The following FECH variants were observed in gnomAD, a reference collection of about 807,000 sequenced individuals.
FECH encodes the protein ferrochelatase, also known as ferrochelatase, mitochondrial.
A neutral mutation model predicts 56.9 loss-of-function variants in FECH; 40 were observed. The ratio of observed to expected loss-of-function variants is 0.70; its 90% CI spans 0.55 to 0.92. The LOEUF (loss-of-function observed/expected upper bound fraction) is 0.92. Among genes scored for constraint, FECH ranks in the 40% least tolerant of loss-of-function variants. FECH has a pLI of 0.00. For missense variants in FECH, 431 were observed against 529.1 expected (o/e 0.81, Z 1.82); for synonymous variants, 175 against 198.6 (o/e 0.88, Z 1.00).
chr18:57,585,534 T>C (rs1300242866), intron 1 of FECH, among the ~76,000 whole-genome samples: 2 of 152,202 alleles, frequency 1.3e-5, no homozygotes, highest in Non-Finnish European at 2.9e-5. Flanking sequence ...ACAATGCCCT[T>C]TGTCCCCCAG....
Position 57,547,118 on chromosome 18 carries a change from G to C in FECH, c.*3594C>G, listed in dbSNP as rs1366851384. ...ATGTCTGTACTCCCATTGTATCTTG[G>C]AAGTCACTAACTTGCTTTTAATGTT... On this transcript the variant is annotated 3_prime_UTR_variant, in exon 11 of 11. Transcript: ENST00000262093. Among the ~76,000 whole-genome samples the C allele has an allele frequency of 6.6e-6, 1 of 152,062 alleles. No homozygotes were observed. Among genetic ancestry groups the C allele is most frequent in the Non-Finnish European group, 1.5e-5 (1 of 68,024 alleles).
chr18:57,570,300 C>T (rs937367278), intron 4 of FECH, among the ~76,000 whole-genome samples: 1 of 152,104 alleles, frequency 6.6e-6, no homozygotes, highest in Non-Finnish European at 1.5e-5. Flanking sequence ...GTGGCATGCA[C>T]GGAGGAACTG....
chr18:57,575,601 C>A (rs1350369096), intron 2 of FECH, among the ~76,000 whole-genome samples: 8 of 152,162 alleles, frequency 5.3e-5, no homozygotes, highest in Non-Finnish European at 1.2e-4. Flanking sequence ...TGCCTCCATG[C>A]CTGGCTACTT....
intron 4 of FECH, among the ~76,000 whole-genome samples, chr18:57,569,747 T>C (rs2051069269): frequency 6.6e-6 from 1 of 151,832 alleles, no homozygotes; most frequent in Admixed American, 6.6e-5. Context: ...GGTACTACAG[T>C]AACATAAAAA....
At chr18:57,554,729 A>C (rs1006339575) in intron 8 of FECH, 116 bp downstream of exon 8, 1 of 848,482 alleles carries the variant, frequency 1.2e-6, no homozygotes, top group Non-Finnish European at 2.0e-6. Flanking sequence ...CATGGTGAGC[A>C]ATCAGGTTAT....
rs573226172 is a variant in FECH, at chr18:57,549,200, T to C, written c.*1512A>G. ...TGGATGCTACTCATGAGGGCTGTCA[T>C]CAACGTAGGAAAACTATTAACTCAA... On this transcript the variant is annotated 3_prime_UTR_variant, in exon 11 of 11. Transcript: ENST00000262093. 2.0e-5 allele frequency: 3 copies of C among 152,302 alleles called. No homozygotes were observed. Among genetic ancestry groups the C allele is most frequent in the Non-Finnish European group, 4.4e-5 (3 of 68,020 alleles). The allele number at this position is 152,302 out of a possible 1,614,324, so 9.4% of individuals were successfully genotyped here. A position where few individuals can be genotyped will look rare whatever the true frequency, so the allele number is the denominator to read the frequency against.
intron 1 of FECH, among the ~76,000 whole-genome samples, chr18:57,580,611 T>A (rs2051264483): frequency 6.6e-6 from 1 of 152,112 alleles, no homozygotes; most frequent in African/African-American, 2.4e-5. Flanking sequence ...AGTTTCCAAA[T>A]AGCTGCAGTT....
chr18:57,571,629 A>G (rs1321388682), intron 3 of FECH, 89 bp from the exon 4 acceptor site: 1 of 1,595,456 alleles, frequency 6.3e-7, no homozygotes, highest in South Asian at 1.1e-5. Flanking sequence ...GAAAAAAAGC[A>G]AAATTTTAGA....
At chr18:57,568,629 A>G (rs2051050112) in intron 4 of FECH, among the ~76,000 whole-genome samples, 1 of 152,148 alleles carries the variant, frequency 6.6e-6, no homozygotes, top group Admixed American at 6.5e-5. Flanking sequence ...GGCCAGAGTG[A>G]GCCCAAAACA....
chr18:57,545,909 G>A lies in FECH; in HGVS notation c.*4803C>T, dbSNP rs1307258643. ...GGATCTAACATACAGCATGGCGAAT[G>A]TAGTTAATAATACTTCAAGTACTGT... On this transcript the variant is annotated 3_prime_UTR_variant, in exon 11 of 11. Transcript: ENST00000262093. Among the ~76,000 whole-genome samples the A allele has an allele frequency of 6.6e-6, 1 of 152,200 alleles. No homozygotes were observed. Among genetic ancestry groups the A allele is most frequent in the Non-Finnish European group, 1.5e-5 (1 of 68,038 alleles).
rs909984430 is a variant in FECH at position 57,546,365 on chromosome 18, G to A, written c.*4347C>T. Among the ~76,000 whole-genome samples the A allele has an allele frequency of 7.2e-5, 11 of 152,232 alleles. No individual in the cohort carries two copies. The highest frequency in any genetic ancestry group is 2.6e-4 in the African/African-American group (11 of 41,542). ...TTGCCGCATCGACAGGAGCTCATACGGCAGAGCCCCTAGGAATGCAGGTGC... is the reference window on the plus strand; with the variant it reads ...TTGCCGCATCGACAGGAGCTCATACAGCAGAGCCCCTAGGAATGCAGGTGC... On this transcript the variant is annotated 3_prime_UTR_variant, in exon 11 of 11. Coordinates refer to ENST00000262093, the MANE Select transcript of FECH (RefSeq NM_000140.5).
intron 3 of FECH, 47 bp from the exon 4 acceptor site, chr18:57,571,587 A>G: frequency 1.2e-6 from 2 of 1,614,096 alleles, no homozygotes; most frequent in Non-Finnish European, 1.7e-6. Flanking sequence ...CCAGCTTAGC[A>G]ACCTGAGAAA....
At chr18:57,577,549 C>T (rs917957362) in intron 2 of FECH, among the ~76,000 whole-genome samples, 1 of 152,164 alleles carries the variant, frequency 6.6e-6, no homozygotes, top group African/African-American at 2.4e-5. Context: ...ACTGCTTCAC[C>T]ATTTCTAATA....
rs1244823435 is a variant in FECH at position 57,549,677 on chromosome 18, A to G, written c.*1035T>C. 1 of 152,222 alleles carries G rather than the reference A, an allele frequency of 6.6e-6. No homozygotes were observed. The highest frequency in any genetic ancestry group is 1.5e-5 in the Non-Finnish European group (1 of 68,050). The allele number at this position is 152,222 out of a possible 1,614,324, so 9.4% of individuals were successfully genotyped here. A position where few individuals can be genotyped will look rare whatever the true frequency, so the allele number is the denominator to read the frequency against. ...ATCTACAGGAAAGGACTACCACGAAATACAATATTATGATAACAGTTATTG... is the reference window on the plus strand; with the variant it reads ...ATCTACAGGAAAGGACTACCACGAAGTACAATATTATGATAACAGTTATTG... On this transcript the variant is annotated 3_prime_UTR_variant, in exon 11 of 11. Coordinates refer to ENST00000262093, the MANE Select transcript of FECH (RefSeq NM_000140.5).
At chr18:57,553,857 A>G (rs1343028637) in intron 9 of FECH, among the ~76,000 whole-genome samples, 1 of 152,268 alleles carries the variant, frequency 6.6e-6, no homozygotes, top group African/African-American at 2.4e-5. Flanking sequence ...ATGTAATAAT[A>G]GCCCTGAGTA....
At chr18:57,578,312 C>T (rs1220805449) in intron 2 of FECH, among the ~76,000 whole-genome samples, 1 of 152,194 alleles carries the variant, frequency 6.6e-6, no homozygotes, top group Non-Finnish European at 1.5e-5. Flanking sequence ...TTACACAGCA[C>T]TCAGTCATCA....
chr18:57,553,908 A>G (rs1249718977), intron 9 of FECH, among the ~76,000 whole-genome samples: 2 of 152,262 alleles, frequency 1.3e-5, no homozygotes, highest in East Asian at 3.8e-4. Context: ...ATAAAACAAT[A>G]AAATGTTTTC....
chr18:57,565,744 C>T (rs188150288), intron 5 of FECH, among the ~76,000 whole-genome samples: 1 of 152,174 alleles, frequency 6.6e-6, no homozygotes. Flanking sequence ...CATTAATATC[C>T]AAAAGCAATT....
intron 5 of FECH, 87 bp downstream of exon 5, chr18:57,566,360 A>C: frequency 1.9e-6 from 3 of 1,546,380 alleles, no homozygotes; most frequent in Non-Finnish European, 2.7e-6. Context: ...ATTGCAAATA[A>C]TTCATCCTTC....
Sources: gnomAD v4.1 joint callset for allele counts (sites outside exome capture counted in the v4.1 genomes callset) on GRCh38, gnomAD v4.1.1 for gene constraint, MANE v1.5 for transcripts, NCBI Gene and HGNC (gene_info 2026-07-23, HGNC 2026-07-21) for gene names.